POLR1A: variants seen among roughly 807,000 people sequenced by gnomAD.
POLR1A encodes the protein DNA-directed RNA polymerase I subunit RPA1.
In POLR1A, 84 loss-of-function variants were observed where a neutral mutation model predicts 205.3. The ratio of observed to expected loss-of-function variants is 0.41; its 90% CI spans 0.34 to 0.49. POLR1A has a LOEUF of 0.49. Among genes scored for constraint, POLR1A ranks in the 20% least tolerant of loss-of-function variants. The pLI, the probability that POLR1A is intolerant of heterozygous loss-of-function variation, is 0.22. For missense variants in POLR1A, 1,645 were observed against 2,204.5 expected (o/e 0.75, Z 5.08); for synonymous variants, 799 against 863.7 (o/e 0.93, Z 1.31).
intron 16 of POLR1A, among the ~76,000 whole-genome samples, chr2:86,052,395 G>A (rs1672818589): frequency 6.6e-6 from 1 of 152,174 alleles, no homozygotes; most frequent in Non-Finnish European, 1.5e-5. Context: ...GAGGGGTTAG[G>A]AAAGAAACAG....
intron 14 of POLR1A, among the ~76,000 whole-genome samples, chr2:86,056,523 G>A (rs972733518): frequency 2.0e-5 from 3 of 152,014 alleles, no homozygotes; most frequent in Non-Finnish European, 4.4e-5. Flanking sequence ...GAAGGTTGCC[G>A]CACTAAACAA....
At chr2:86,103,661 G>A (rs1673864335) in intron 1 of POLR1A, among the ~76,000 whole-genome samples, 1 of 152,218 alleles carries the variant, frequency 6.6e-6, no homozygotes, top group Non-Finnish European at 1.5e-5. Flanking sequence ...TACCAGAGCT[G>A]TGGCTCAGGA....
chr2:86,092,651 C>T (rs7578376), intron 3 of POLR1A, among the ~76,000 whole-genome samples: 3,830 of 152,216 alleles, frequency 0.025, 166 homozygotes, highest in African/African-American at 0.086. Context: ...ATGGTGAAAC[C>T]CTGTCTCTAC....
chr2:86,084,035 C>T (rs1176556266), intron 6 of POLR1A, among the ~76,000 whole-genome samples: 2 of 152,168 alleles, frequency 1.3e-5, no homozygotes, highest in Non-Finnish European at 2.9e-5. Context: ...CTTTGGGAGG[C>T]CAAGGCAGGC....
intron 16 of POLR1A, among the ~76,000 whole-genome samples, chr2:86,052,494 C>T (rs892180809): frequency 6.6e-6 from 1 of 152,196 alleles, no homozygotes; most frequent in Admixed American, 6.5e-5. Context: ...GTGAGGGCGC[C>T]TTTGTAGGAG....
intron 21 of POLR1A, among the ~76,000 whole-genome samples, chr2:86,044,669 C>T (rs530234352): frequency 7.2e-5 from 11 of 152,292 alleles, no homozygotes; most frequent in East Asian, 5.8e-4. Flanking sequence ...AACCAAAAGA[C>T]GGGCGAAGCA....
At position 86,099,956 on chromosome 2, in the gene POLR1A, G is replaced by C. The variant is rs766580750; in HGVS notation, c.282+12C>G. On this transcript the variant is annotated intron_variant, in intron 2 of 33. Coordinates refer to ENST00000263857, the MANE Select transcript of POLR1A (RefSeq NM_015425.6). Reference sequence around the variant, plus strand: ...GCAGCCCGGAGACCCACACAACTAAGGCAGCACTTACATCGAAGAGGAGAG... The same window carrying C: ...GCAGCCCGGAGACCCACACAACTAACGCAGCACTTACATCGAAGAGGAGAG... 9.2e-5 allele frequency: 148 copies of C among 1,610,644 alleles called. No homozygotes were observed. The highest frequency in any genetic ancestry group is 1.2e-4 in the Non-Finnish European group (141 of 1,177,240).
intron 2 of POLR1A, among the ~76,000 whole-genome samples, chr2:86,099,675 C>T (rs1254904045): frequency 3.9e-5 from 6 of 152,118 alleles, no homozygotes; most frequent in East Asian, 1.9e-4. Flanking sequence ...GAGCACAAAG[C>T]CCCTGCAACA....
chr2:86,027,332 C>G lies in POLR1A; in HGVS notation c.*91G>C. 9.6e-7 allele frequency: 1 copy of G among 1,038,432 alleles called. No individual in the cohort carries two copies. The highest frequency in any genetic ancestry group is 1.5e-6 in the Non-Finnish European group (1 of 657,846). The allele number at this position is 1,038,432 out of a possible 1,614,324, so 64.3% of individuals were successfully genotyped here. On this transcript the variant is annotated 3_prime_UTR_variant, in exon 34 of 34. Transcript: ENST00000263857. The stretch of plus-strand genomic sequence containing the variant: ...CTGTCACTTGGAACTGCCCTGGATT[C>G]CAGTCTCCTGGTCCTCTCATGCAGA...
intron 1 of POLR1A, among the ~76,000 whole-genome samples, chr2:86,101,779 G>A (rs1673826340): frequency 6.6e-6 from 1 of 152,010 alleles, no homozygotes; most frequent in Non-Finnish European, 1.5e-5. Context: ...TTGAAACCCT[G>A]TACCCATTAT....
intron 7 of POLR1A, among the ~76,000 whole-genome samples, chr2:86,082,492 T>C (rs548279209): frequency 6.6e-6 from 1 of 152,124 alleles, no homozygotes; most frequent in South Asian, 2.1e-4. Flanking sequence ...GAGAAAAAGA[T>C]TAAAATGTAC....
chr2:86,084,428 CACAAA>C (rs1311662668), intron 6 of POLR1A, among the ~76,000 whole-genome samples: 1 of 150,476 alleles, frequency 6.6e-6, no homozygotes, highest in African/African-American at 2.4e-5. Context: ...AAAAAAAAAA[CACAAA>C]ACAAAACAAA....
chr2:86,086,478 G>C (rs537462216), intron 6 of POLR1A, among the ~76,000 whole-genome samples: 1 of 152,326 alleles, frequency 6.6e-6, no homozygotes, highest in South Asian at 2.1e-4. Flanking sequence ...TGCTCCCCAG[G>C]GTTACTGATC....
chr2:86,047,075 T>A (rs1672722467), intron 19 of POLR1A, 90 bp downstream of exon 19: 1 of 819,886 alleles, frequency 1.2e-6, no homozygotes, highest in Non-Finnish European at 2.1e-6. Flanking sequence ...CTTGTCATGT[T>A]TTATAGGGAA....
At chr2:86,101,541 G>A (rs969866994) in intron 1 of POLR1A, among the ~76,000 whole-genome samples, 2 of 152,148 alleles carry the variant, frequency 1.3e-5, no homozygotes, top group African/African-American at 2.4e-5. Context: ...AAAGTTGTGC[G>A]TGTGGTCTCT....
intron 25 of POLR1A, 104 bp from the exon 26 acceptor site, chr2:86,039,566 G>C: frequency 7.4e-7 from 1 of 1,344,418 alleles, no homozygotes; most frequent in Non-Finnish European, 1.0e-6. Context: ...ATCTGAGAGA[G>C]GCCTGGGGAT....
chr2:86,079,002 C>A (rs1263914107), intron 9 of POLR1A, among the ~76,000 whole-genome samples: 2 of 152,272 alleles, frequency 1.3e-5, no homozygotes, highest in Middle Eastern at 6.8e-3. Flanking sequence ...CTGGCCCAAT[C>A]GACTGGGTAT....
In POLR1A at chr2:86,028,806, G is replaced by T; in HGVS notation, c.4780-95C>A. On this transcript the variant is annotated intron_variant, in intron 31 of 33. Coordinates refer to ENST00000263857, the MANE Select transcript of POLR1A (RefSeq NM_015425.6). The surrounding 1 kb of genome is among the most constrained non-coding windows in gnomAD (Gnocchi z 4.5). ...CCCTGGCCGCTCTCTCTCTCCTTGT[G>T]TCTGGCAGCTCGGTACAGCTGATGA... 1 of 863,508 alleles carries T rather than the reference G, an allele frequency of 1.2e-6. No individual in the cohort carries two copies. 53.5% of individuals were successfully genotyped at this position (863,508 alleles called of 1,614,324 possible). A position where few individuals can be genotyped will look rare whatever the true frequency, so the allele number is the denominator to read the frequency against.
At chr2:86,089,743 T>A in intron 4 of POLR1A, 79 bp downstream of exon 4, 1 of 890,512 alleles carries the variant, frequency 1.1e-6, no homozygotes. Context: ...AAGCCAGAAG[T>A]ATATGCAAAG....
Sources: allele counts gnomAD v4.1 joint callset (sites outside exome capture counted in the v4.1 genomes callset), GRCh38; gene constraint gnomAD v4.1.1; non-coding constraint Gnocchi (gnomAD v3.1); transcripts MANE v1.5; gene names NCBI Gene and HGNC (gene_info 2026-07-23, HGNC 2026-07-21).